Variants in RLF observed in about 807,000 individuals in gnomAD.
RLF encodes the protein zinc finger protein Rlf.
RLF carries 7 observed loss-of-function variants against 162.9 expected under a neutral mutation model. The observed-to-expected ratio is 0.04, with a 90% confidence interval of 0.02 to 0.08. The LOEUF is 0.08. Among genes scored for constraint, RLF ranks in the 10% least tolerant of loss-of-function variants. The pLI is 1.00. For missense variants in RLF, 1,664 were observed against 2,244.7 expected, an observed-to-expected ratio of 0.74 and a Z score of 5.23; for synonymous variants, 782 against 791.5, an observed-to-expected ratio of 0.99 and a Z score of 0.20.
chr1:40,202,429 C>G lies in RLF; in HGVS notation c.625C>G (p.Gln209Glu). Residue 209 changes from glutamine to glutamate, a missense_variant, in exon 5 of 8, where the codon CAA becomes GAA. Around this residue, in one of 15 missense-constraint regions of RLF, gnomAD observed 287 missense variants for 404.9 expected, o/e 0.71. Coordinates refer to ENST00000372771, the MANE Select transcript of RLF (RefSeq NM_012421.4). ...TTTTCTAGTCAATAAATTGATTGCA[C>G]AAGAAGGACCTTCCTTTCTGCAAAT... ...ETEEVNKLIA[Q>E]EGPSFLQMRI... 1 of 1,573,546 alleles carries G rather than the reference C, an allele frequency of 6.4e-7. No homozygotes were observed. Among genetic ancestry groups the G allele is most frequent in the African/African-American group, 1.4e-5 (1 of 72,166 alleles).
intron 5 of RLF, among the ~76,000 whole-genome samples, chr1:40,213,038 A>G (rs1432710616): frequency 2.0e-5 from 3 of 152,154 alleles, no homozygotes; most frequent in Non-Finnish European, 4.4e-5. Context: ...ATTGGTGTTT[A>G]ATTGCCTGAT....
intron 1 of RLF, among the ~76,000 whole-genome samples, chr1:40,174,928 A>G (rs1458065664): frequency 6.6e-6 from 1 of 152,188 alleles, no homozygotes; most frequent in Non-Finnish European, 1.5e-5. Flanking sequence ...GGCCAAGCAC[A>G]GTGGCTCACA....
chr1:40,174,213 C>A (rs1557737936), intron 1 of RLF, among the ~76,000 whole-genome samples: 1 of 151,812 alleles, frequency 6.6e-6, no homozygotes. Flanking sequence ...TCTACTAAAA[C>A]TACAAAAATC....
In RLF at chr1:40,236,835, T is replaced by C. The variant is rs1643223505; in HGVS notation, c.2133T>C (p.Asn711=). Reference sequence around the variant, plus strand: ...CCAAGCACTACTTGGATATGAAAAATAGAAGAGAGAAGTGTACTTACTGTC... The same window carrying C: ...CCAAGCACTACTTGGATATGAAAAACAGAAGAGAGAAGTGTACTTACTGTC... ...ENAKHYLDMK[N]RREKCTYCRR... Residue 711 remains asparagine, a synonymous_variant, in exon 8 of 8, where the codon AAT becomes AAC. Transcript: ENST00000372771. This position sits in a 1 kb window ranked among gnomAD's most constrained non-coding sequence, Gnocchi z 7.7. The C allele has an allele frequency of 1.9e-6, 3 of 1,614,058 alleles. No individual in the cohort carries two copies. In the African/African-American group the frequency reaches 4.0e-5, roughly 22 times the overall value.
chr1:40,235,681 T>C (rs1311703274), intron 7 of RLF, 111 bp from the exon 8 acceptor site: 6 of 713,014 alleles, frequency 8.4e-6, no homozygotes, highest in Non-Finnish European at 1.3e-5. Flanking sequence ...AGATTTAAGA[T>C]AAAATTTAGG....
rs1045075706 is a variant in RLF at position 40,161,489 on chromosome 1, T to C, written c.90T>C (p.Thr30=). The C allele has an allele frequency of 1.3e-6, 2 of 1,598,108 alleles. No individual in the cohort carries two copies. Among genetic ancestry groups the C allele is most frequent in the South Asian group, 1.1e-5 (1 of 89,470 alleles). The change falls in exon 1 of 8, where the codon ACT becomes ACC. Residue 30 remains threonine (T), a synonymous_variant. Coordinates refer to ENST00000372771, the MANE Select transcript of RLF (RefSeq NM_012421.4). This position sits in a 1 kb window ranked among gnomAD's most constrained non-coding sequence, Gnocchi z 4.4. ...CGGGAGCCGGAGATGGAGTCGAGAC[T>C]GAGTCCATGGTTCGGGGTCATCGCC... is the stretch of plus-strand genomic sequence containing the variant. The part of the protein sequence containing the change: ...AVAGAGDGVE[T]ESMVRGHRPV...
intron 4 of RLF, among the ~76,000 whole-genome samples, chr1:40,200,990 T>A (rs1193461813): frequency 1.1e-5 from 1 of 94,864 alleles, no homozygotes; most frequent in African/African-American, 4.9e-5. Flanking sequence ...CACACCCCAG[T>A]GGTTTATCCT....
At chr1:40,235,055 A>AT (rs761816149) in intron 7 of RLF, among the ~76,000 whole-genome samples, 20,405 of 105,192 alleles carry the variant, frequency 0.19, 2,444 homozygotes, top group African/African-American at 0.29. Flanking sequence ...GATAGAGAGA[A>AT]TTTTTTTTTT....
intron 1 of RLF, among the ~76,000 whole-genome samples, chr1:40,177,174 C>T (rs1642338465): frequency 6.6e-6 from 1 of 151,888 alleles, no homozygotes; most frequent in Non-Finnish European, 1.5e-5. Context: ...TTAGATGAGA[C>T]AGGGTTTCGC....
At chr1:40,234,295 T>C (rs1643190270) in intron 7 of RLF, among the ~76,000 whole-genome samples, 1 of 152,298 alleles carries the variant, frequency 6.6e-6, no homozygotes, top group East Asian at 1.9e-4. Context: ...GTTAGTGACA[T>C]TGGGCAACTT....
At chr1:40,226,821 T>C (rs1250762627) in intron 6 of RLF, among the ~76,000 whole-genome samples, 1 of 152,208 alleles carries the variant, frequency 6.6e-6, no homozygotes, top group African/African-American at 2.4e-5. Flanking sequence ...TCTTGCTATG[T>C]AGAAACACAG....
At chr1:40,192,071 A>G (rs902500761) in intron 3 of RLF, among the ~76,000 whole-genome samples, 4 of 152,224 alleles carry the variant, frequency 2.6e-5, no homozygotes, top group African/African-American at 9.6e-5. Context: ...TACATAACCC[A>G]AAATGAAATG....
At chr1:40,197,335 A>G (rs1557747216) in intron 4 of RLF, among the ~76,000 whole-genome samples, 1 of 152,236 alleles carries the variant, frequency 6.6e-6, no homozygotes, top group Non-Finnish European at 1.5e-5. Flanking sequence ...ATGTAGGTAG[A>G]TGGAGGCTAA....
At chr1:40,177,280 ATTTC>A (rs1642340261) in intron 1 of RLF, among the ~76,000 whole-genome samples, 1 of 148,682 alleles carries the variant, frequency 6.7e-6, no homozygotes, top group Non-Finnish European at 1.5e-5. Flanking sequence ...TTAACAGTGT[ATTTC>A]TTTCTTTCTT....
At chr1:40,235,588 G>A (rs1643207051) in intron 7 of RLF, among the ~76,000 whole-genome samples, 1 of 152,128 alleles carries the variant, frequency 6.6e-6, no homozygotes, top group African/African-American at 2.4e-5. Context: ...CCTAGTAAAT[G>A]TACATTGTTC....
chr1:40,240,156 G>C lies in RLF; in HGVS notation c.5454G>C (p.Val1818=). The part of the protein sequence containing the change: ...LTGNVVANNM[V]NDSEPEVDIP... ...GGAATGTTGTGGCAAATAATATGGT[G>C]AATGACAGTGAACCTGAAGTTGACA... The change falls in exon 8 of 8, where the codon GTG becomes GTC. Residue 1818 remains valine, a synonymous_variant. Coordinates refer to ENST00000372771, the MANE Select transcript of RLF (RefSeq NM_012421.4). 1.2e-6 allele frequency: 2 copies of C among 1,614,194 alleles called. No homozygotes were observed. The highest frequency in any genetic ancestry group is 8.5e-7 in the Non-Finnish European group (1 of 1,180,036).
intron 6 of RLF, among the ~76,000 whole-genome samples, chr1:40,228,761 T>C (rs779306470): frequency 2.4e-4 from 36 of 152,068 alleles, no homozygotes; most frequent in Non-Finnish European, 4.4e-4. Context: ...TCTGGGATTA[T>C]AGGCATGAGC....
rs146478463 is a variant in RLF, at chr1:40,178,475, C to T, written c.238-10580C>T. On this transcript the variant is annotated intron_variant, in intron 1 of 7. Transcript: ENST00000372771. ...AGATGACAGGAGTTCAGTGGGTAGA[C>T]GTTCGAGTGGCAGCACAACAATGTA... Among the ~76,000 whole-genome samples the T allele has an allele frequency of 5.2e-3, 788 of 152,044 alleles. 6 individuals are homozygous for T. Among genetic ancestry groups the T allele is most frequent in the Admixed American group, 8.8e-3 (135 of 15,272 alleles).
intron 1 of RLF, among the ~76,000 whole-genome samples, chr1:40,168,724 G>A (rs926525616): frequency 1.3e-5 from 2 of 152,080 alleles, no homozygotes; most frequent in Admixed American, 6.6e-5. Context: ...CGTGCACGGT[G>A]GCTCTCCCCT....
Sources: gnomAD v4.1 joint callset for allele counts (sites outside exome capture counted in the v4.1 genomes callset) on GRCh38, gnomAD v4.1.1 for gene constraint, gnomAD v4.1.1 regional missense constraint, Gnocchi (gnomAD v3.1) non-coding constraint, MANE v1.5 for transcripts, NCBI Gene and HGNC (gene_info 2026-07-23, HGNC 2026-07-21) for gene names.